Variants in CCDC178 observed in about 807,000 individuals in gnomAD.
CCDC178 encodes the protein coiled-coil domain containing 178.
A neutral mutation model predicts 117.4 loss-of-function variants in CCDC178; 126 were observed. The ratio of observed to expected loss-of-function variants is 1.07; its 90% CI spans 0.93 to 1.24. CCDC178 has a LOEUF of 1.24. Ranked by LOEUF, CCDC178 falls within the 50% of genes most tolerant of loss-of-function variation. The pLI is 0.00. For synonymous variants in CCDC178, 283 were observed against 313.4 expected (o/e 0.90, Z 1.02); for missense variants, 1,030 against 986.9 (o/e 1.04, Z -0.59).
At chr18:33,274,495 A>G (rs2059924685) in intron 12 of CCDC178, among the ~76,000 whole-genome samples, 1 of 151,936 alleles carries the variant, frequency 6.6e-6, no homozygotes, top group African/African-American at 2.4e-5. Context: ...AAAAGTGGAA[A>G]CAGCCAAAAA....
At chr18:33,024,800 T>C (rs987075672) in intron 21 of CCDC178, among the ~76,000 whole-genome samples, 4 of 118,442 alleles carry the variant, frequency 3.4e-5, no homozygotes, top group Non-Finnish European at 7.2e-5. Context: ...CCTGCTACCA[T>C]GCTCAGCTAT....
intron 21 of CCDC178, among the ~76,000 whole-genome samples, chr18:33,003,769 A>G (rs2055692722): frequency 6.6e-6 from 1 of 152,134 alleles, no homozygotes; most frequent in South Asian, 2.1e-4. Context: ...ATAATCTTAT[A>G]TTTGGAAAAA....
At chr18:33,224,709 T>C (rs934202476) in intron 17 of CCDC178, 66 bp downstream of exon 17, 17 of 1,041,402 alleles carry the variant, frequency 1.6e-5, no homozygotes, top group Non-Finnish European at 2.2e-5. Flanking sequence ...TAATGTAAAA[T>C]CACATGCGTA....
intron 21 of CCDC178, among the ~76,000 whole-genome samples, chr18:33,018,273 C>T (rs1319360860): frequency 6.6e-6 from 1 of 151,892 alleles, no homozygotes; most frequent in Non-Finnish European, 1.5e-5. Context: ...ATCAACCAAA[C>T]AACAAAAAAG....
chr18:33,122,054 T>C (rs2057943952), intron 20 of CCDC178, among the ~76,000 whole-genome samples: 2 of 152,176 alleles, frequency 1.3e-5, no homozygotes, highest in African/African-American at 4.8e-5. Flanking sequence ...ATACTTACTC[T>C]ACTATGTTGA....
chr18:33,360,941 C>T (rs1353972159), intron 6 of CCDC178, among the ~76,000 whole-genome samples: 7 of 151,256 alleles, frequency 4.6e-5, no homozygotes, highest in Non-Finnish European at 1.0e-4. Flanking sequence ...AGATTTAATG[C>T]CATGTCGATA....
chr18:33,370,017 C>T, intron 6 of CCDC178, 33 bp downstream of exon 6: 1 of 1,511,268 alleles, frequency 6.6e-7, no homozygotes, highest in South Asian at 1.3e-5. Flanking sequence ...ATAAAGCTTA[C>T]CAAAATATCA....
Position 33,108,977 on chromosome 18 carries a change from C to T in CCDC178, c.2239-16067G>A, listed in dbSNP as rs544373205. 2.2e-4 allele frequency among the ~76,000 whole-genome samples: 34 copies of T among 151,712 alleles called. No individual in the cohort carries two copies. In the South Asian group the frequency reaches 4.6e-3, roughly 20 times the overall value. ...CTTCTTCCTTCTTGTCGCTCCAGGTCTATTTCTGCATGTTTATTTTTGAGC... is the reference window on the plus strand; with the variant it reads ...CTTCTTCCTTCTTGTCGCTCCAGGTTTATTTCTGCATGTTTATTTTTGAGC... On this transcript the variant is annotated intron_variant, in intron 20 of 22. Transcript: ENST00000383096.
At chr18:33,424,303 G>C (rs2064081648) in intron 2 of CCDC178, among the ~76,000 whole-genome samples, 1 of 151,740 alleles carries the variant, frequency 6.6e-6, no homozygotes, top group Non-Finnish European at 1.5e-5. Flanking sequence ...TAGAATATTT[G>C]AAAAATAACG....
intron 21 of CCDC178, among the ~76,000 whole-genome samples, chr18:33,084,137 G>GTTATAC (rs146835137): frequency 6.6e-6 from 1 of 151,854 alleles, no homozygotes; most frequent in East Asian, 1.9e-4. Context: ...GTTACAACAT[G>GTTATAC]TTCTTGTAGC....
chr18:33,243,045 T>C (rs2059507358), intron 15 of CCDC178, among the ~76,000 whole-genome samples: 2 of 151,906 alleles, frequency 1.3e-5, no homozygotes, highest in African/African-American at 2.4e-5. Context: ...GTGGTATATA[T>C]ACACAATGGA....
At chr18:33,053,833 CT>C (rs2056784452) in intron 21 of CCDC178, among the ~76,000 whole-genome samples, 1 of 152,072 alleles carries the variant, frequency 6.6e-6, no homozygotes, top group Non-Finnish European at 1.5e-5. Context: ...CTGGGTAACA[CT>C]TTATGACAAC....
At chr18:33,383,151 C>T (rs2063456920) in intron 5 of CCDC178, among the ~76,000 whole-genome samples, 2 of 152,176 alleles carry the variant, frequency 1.3e-5, no homozygotes. Context: ...TTAGATCCCT[C>T]CTCACTGGGC....
chr18:33,257,000 G>C (rs1360104308), intron 14 of CCDC178, among the ~76,000 whole-genome samples: 3 of 151,966 alleles, frequency 2.0e-5, no homozygotes, highest in African/African-American at 7.3e-5. Flanking sequence ...AATTTTTGCT[G>C]ATAAATTAAG....
At chr18:33,369,889 A>G (rs1199502110) in intron 6 of CCDC178, among the ~76,000 whole-genome samples, 161 bp downstream of exon 6, 1 of 152,014 alleles carries the variant, frequency 6.6e-6, no homozygotes, top group Non-Finnish European at 1.5e-5. Context: ...ACTATCAAAA[A>G]CATGTCTAGA....
chr18:33,411,622 T>TTTAATA (rs1253939737), intron 3 of CCDC178, among the ~76,000 whole-genome samples: 7 of 152,290 alleles, frequency 4.6e-5, no homozygotes, highest in African/African-American at 1.7e-4. Flanking sequence ...TAATATTCCA[T>TTTAATA]GTTTAGCTTC....
intron 21 of CCDC178, among the ~76,000 whole-genome samples, chr18:32,995,712 A>T (rs977434489): frequency 6.6e-6 from 1 of 152,124 alleles, no homozygotes; most frequent in African/African-American, 2.4e-5. Context: ...GACTTGCGCC[A>T]TTCTACAAAA....
At chr18:33,143,505 T>C (rs2058234128) in intron 20 of CCDC178, among the ~76,000 whole-genome samples, 1 of 152,156 alleles carries the variant, frequency 6.6e-6, no homozygotes, top group Non-Finnish European at 1.5e-5. Context: ...ACTAAATAAG[T>C]GTTATACAAA....
At chr18:33,086,959 G>A (rs2145052949) in intron 21 of CCDC178, among the ~76,000 whole-genome samples, 1 of 124,416 alleles carries the variant, frequency 8.0e-6, no homozygotes, top group Admixed American at 9.2e-5. Context: ...GAACAAAATA[G>A]CTATTGGTTG....
Sources: allele counts gnomAD v4.1 joint callset (sites outside exome capture counted in the v4.1 genomes callset), GRCh38; gene constraint gnomAD v4.1.1; transcripts MANE v1.5; gene names NCBI Gene and HGNC (gene_info 2026-07-23, HGNC 2026-07-21).